The following KIAA0753 variants were observed in gnomAD, a reference collection of about 807,000 sequenced individuals.
The protein encoded by KIAA0753 is protein moonraker.
Under a neutral mutation model 116.9 loss-of-function variants are expected in KIAA0753, and 114 were observed. The observed-to-expected ratio is 0.98, with a 90% CI of 0.84 to 1.14. The LOEUF is 1.14. KIAA0753 is among the 50% of genes most tolerant of loss of function. The pLI, the probability that KIAA0753 is intolerant of heterozygous loss-of-function variation, is 0.00. For synonymous variants in KIAA0753, 405 were observed against 413.1 expected, an observed-to-expected ratio of 0.98 and a Z score of 0.24; for missense variants, 1,156 against 1,172.4, an observed-to-expected ratio of 0.99 and a Z score of 0.20.
chr17:6,620,437 C>CAT lies in KIAA0753; in HGVS notation c.1315+349_1315+350dup, dbSNP rs33939474. 1.1e-4 allele frequency among the ~76,000 whole-genome samples: 13 copies of CAT among 119,430 alleles called. No individual in the cohort carries two copies. The East Asian group carries it at 2.9e-3, about 27-fold the overall frequency. 78.4% of individuals were successfully genotyped at this position (119,430 alleles called of 152,430 possible). ...AAAAAAATACATATATATATATACACATATATATATAGAATGTATGTGTGT... is the reference window on the plus strand; with the variant it reads ...AAAAAAATACATATATATATATACACATATATATATATAGAATGTATGTGTGT... On this transcript the variant is annotated intron_variant, in intron 7 of 18. Coordinates refer to ENST00000361413, the MANE Select transcript of KIAA0753 (RefSeq NM_014804.3).
In KIAA0753 at chr17:6,594,967, C is replaced by G. The variant is rs759025340; in HGVS notation, c.2440+5G>C. The G allele has an allele frequency of 3.1e-6, 5 of 1,600,772 alleles. No individual in the cohort carries two copies. In the East Asian group the frequency reaches 1.1e-4, roughly 36 times the overall value. On this transcript the variant is annotated splice_donor_5th_base_variant and intron_variant, in intron 16 of 18. Coordinates refer to ENST00000361413, the MANE Select transcript of KIAA0753 (RefSeq NM_014804.3). ...GTTAGGGGAAAAACATGGGGAAACA[C>G]TCACCATTGTTTTCTTCCTGCATCC...
At chr17:6,634,503 T>G (rs1172904086) in intron 2 of KIAA0753, among the ~76,000 whole-genome samples, 3 of 152,200 alleles carry the variant, frequency 2.0e-5, no homozygotes, top group African/African-American at 7.2e-5. Flanking sequence ...TAAGATGGAT[T>G]GATGGATGGA....
intron 7 of KIAA0753, among the ~76,000 whole-genome samples, chr17:6,612,451 A>G (rs766658862): frequency 6.6e-6 from 1 of 152,202 alleles, no homozygotes; most frequent in Admixed American, 6.5e-5. Flanking sequence ...CCCTTTTGCT[A>G]TTACCCAAGG....
At chr17:6,582,846 T>C (rs928318056) in intron 18 of KIAA0753, among the ~76,000 whole-genome samples, 2 of 152,226 alleles carry the variant, frequency 1.3e-5, no homozygotes, top group Non-Finnish European at 2.9e-5. Flanking sequence ...TCCCATACAA[T>C]GCAAGAACCT....
chr17:6,599,366 C>G (rs746277329), intron 13 of KIAA0753, 46 bp from the exon 14 acceptor site: 2 of 1,235,484 alleles, frequency 1.6e-6, no homozygotes, highest in South Asian at 1.2e-5. Context: ...AGACTTATAG[C>G]TCCTATTAGT....
At chr17:6,594,078 G>A (rs1969283047) in intron 16 of KIAA0753, among the ~76,000 whole-genome samples, 1 of 152,112 alleles carries the variant, frequency 6.6e-6, no homozygotes, top group Non-Finnish European at 1.5e-5. Context: ...TGGCAAGTTT[G>A]CTATTAGGTA....
Position 6,582,385 on chromosome 17 carries a change from G to A in KIAA0753, c.2787-2521C>T, listed in dbSNP as rs559966734. 5.9e-5 allele frequency among the ~76,000 whole-genome samples: 9 copies of A among 152,138 alleles called. No homozygotes were observed. The Middle Eastern group carries it at 0.01, about 172-fold the overall frequency. ...TAAGTTCATGTTTCTGTTTGTATTC[G>A]ACTTAAGGCCCCCGCCCCATCCCTG... On this transcript the variant is annotated intron_variant, in intron 18 of 18. Transcript: ENST00000361413.
At chr17:6,599,097 T>C (rs967196264) in intron 14 of KIAA0753, 140 bp downstream of exon 14, 5 of 642,016 alleles carry the variant, frequency 7.8e-6, no homozygotes, top group African/African-American at 1.8e-5. Context: ...AGAATTAACA[T>C]GCCAAATGTG....
At position 6,612,112 on chromosome 17, in the gene KIAA0753, T is replaced by C. The variant is rs1290246253; in HGVS notation, c.1352A>G (p.Gln451Arg). 2 of 1,614,174 alleles carry C rather than the reference T, an allele frequency of 1.2e-6. No individual in the cohort carries two copies. The highest frequency in any genetic ancestry group is 1.3e-5 in the African/African-American group (1 of 75,080). The change falls in exon 8 of 19, where the codon CAG becomes CGG. Residue 451 changes from glutamine to arginine, a missense_variant. By Grantham distance (43) the Gln-to-Arg change is conservative (BLOSUM62 1). Coordinates refer to ENST00000361413, the MANE Select transcript of KIAA0753 (RefSeq NM_014804.3). ...YQPDTELPET[Q>R]RLQSELDVLD... ...TACATCAAGCTCACTCTGCAACCTC[T>C]GGGTCTCCGGAAGCTCCGTATCGGG...
At chr17:6,596,609 C>T (rs189397634) in intron 14 of KIAA0753, among the ~76,000 whole-genome samples, 2 of 152,296 alleles carry the variant, frequency 1.3e-5, no homozygotes, top group Admixed American at 1.3e-4. Flanking sequence ...TGCAAATTAT[C>T]ATTATCATCT....
At chr17:6,614,146 T>G (rs964588243) in intron 7 of KIAA0753, among the ~76,000 whole-genome samples, 1 of 152,214 alleles carries the variant, frequency 6.6e-6, no homozygotes. Flanking sequence ...AGATATCATT[T>G]TAAATCCATC....
intron 14 of KIAA0753, 103 bp from the exon 15 acceptor site, chr17:6,596,446 A>G: frequency 1.1e-6 from 1 of 905,064 alleles, no homozygotes; most frequent in Non-Finnish European, 1.7e-6. Context: ...GTTAATCATA[A>G]TAAACCAACA....
intron 3 of KIAA0753, among the ~76,000 whole-genome samples, chr17:6,626,622 G>C (rs375125968): frequency 2.7e-4 from 41 of 152,184 alleles, no homozygotes; most frequent in Middle Eastern, 6.8e-3. Flanking sequence ...ATGGGCCTTC[G>C]GGGCTACTTC....
intron 9 of KIAA0753, 32 bp from the exon 10 acceptor site, chr17:6,608,496 T>C (rs1970330658): frequency 7.9e-7 from 1 of 1,266,668 alleles, no homozygotes; most frequent in South Asian, 1.5e-5. Flanking sequence ...ACCTTTGTCA[T>C]CATTCACTCC....
At chr17:6,614,622 A>G (rs1365951060) in intron 7 of KIAA0753, among the ~76,000 whole-genome samples, 1 of 152,192 alleles carries the variant, frequency 6.6e-6, no homozygotes, top group African/African-American at 2.4e-5. Context: ...CTCGTCTATA[A>G]TAGAATGACA....
At chr17:6,623,165 A>G in intron 5 of KIAA0753, 68 bp from the exon 6 acceptor site, 2 of 1,372,576 alleles carry the variant, frequency 1.5e-6, no homozygotes, top group South Asian at 1.2e-5. Context: ...CCCAACTTCT[A>G]AGAATATTTA....
At chr17:6,633,307 CA>C (rs1428497101) in intron 2 of KIAA0753, among the ~76,000 whole-genome samples, 8 of 152,184 alleles carry the variant, frequency 5.3e-5, no homozygotes, top group Non-Finnish European at 1.0e-4. Flanking sequence ...GAAATTATGT[CA>C]AAAAATTTTT....
intron 7 of KIAA0753, among the ~76,000 whole-genome samples, chr17:6,616,905 G>C (rs1259586738): frequency 6.6e-6 from 1 of 152,146 alleles, no homozygotes; most frequent in African/African-American, 2.4e-5. Flanking sequence ...CTAAAATCTA[G>C]GTCTCCTTGG....
At chr17:6,609,946 G>C (rs989790511) in intron 9 of KIAA0753, 48 bp downstream of exon 9, 1 of 1,596,872 alleles carries the variant, frequency 6.3e-7, no homozygotes, top group African/African-American at 1.3e-5. Flanking sequence ...GATATATGGA[G>C]GAAAAAGAGC....
Sources: allele counts gnomAD v4.1 joint callset (sites outside exome capture counted in the v4.1 genomes callset), GRCh38; gene constraint gnomAD v4.1.1; transcripts MANE v1.5; gene names NCBI Gene and HGNC (gene_info 2026-07-23, HGNC 2026-07-21).